Variants in SDK2 observed in about 807,000 individuals in gnomAD.
SDK2 encodes the protein sidekick cell adhesion molecule 2, also known as protein sidekick-2.
SDK2 carries 105 observed loss-of-function variants against 253.9 expected under a neutral mutation model. The ratio of observed to expected loss-of-function variants is 0.41; its 90% CI spans 0.35 to 0.49. The LOEUF (loss-of-function observed/expected upper bound fraction) is 0.49, where lower values mean the gene tolerates loss of function less well. Ranked by LOEUF, SDK2 falls within the 20% of genes least tolerant of loss-of-function variation. The pLI, the probability that SDK2 is intolerant of heterozygous loss-of-function variation, is 0.06. For synonymous variants in SDK2, 1,249 were observed against 1,234.9 expected, an observed-to-expected ratio of 1.01 and a Z score of -0.24; for missense variants, 2,608 against 3,003.0, an observed-to-expected ratio of 0.87 and a Z score of 3.07.
intron 18 of SDK2, among the ~76,000 whole-genome samples, chr17:73,406,343 A>G (rs898936269): frequency 6.6e-6 from 1 of 151,206 alleles, no homozygotes; most frequent in African/African-American, 2.4e-5. Context: ...TCCCCAGTTC[A>G]AACGATTCTC....
At position 73,379,118 on chromosome 17, in the gene SDK2, C is replaced by T; in HGVS notation, c.4980+59G>A. On this transcript the variant is annotated intron_variant, in intron 36 of 44. Coordinates refer to ENST00000392650, the MANE Select transcript of SDK2 (RefSeq NM_001144952.2). The surrounding 1 kb of genome is among the most constrained non-coding windows in gnomAD (Gnocchi z 4.5). ...TGCCTCCCACATATCACTCACTCCC[C>T]AGCCTCCGACCTGGCTTCTCATCCG... is the stretch of plus-strand genomic sequence containing the variant. 3 of 1,320,538 alleles carry T rather than the reference C, an allele frequency of 2.3e-6. No individual in the cohort carries two copies. The highest frequency in any genetic ancestry group is 3.2e-6 in the Non-Finnish European group (3 of 942,220). 81.8% of individuals were successfully genotyped at this position (1,320,538 alleles called of 1,614,324 possible).
At chr17:73,425,473 T>C (rs2063273962) in intron 12 of SDK2, among the ~76,000 whole-genome samples, 1 of 152,206 alleles carries the variant, frequency 6.6e-6, no homozygotes, top group Non-Finnish European at 1.5e-5. Context: ...GCTTTGCTAC[T>C]TTCCAGCTTT....
Position 73,353,757 on chromosome 17 carries a change from G to A in SDK2, c.5594-1120C>T, listed in dbSNP as rs1599476134. ...CTCACTCTGTCATCCAGGCTGGAGT[G>A]CAGTGGTGCCATCTCAGCTTACCAC... On this transcript the variant is annotated intron_variant, in intron 40 of 44. Transcript: ENST00000392650. 2.1e-5 allele frequency among the ~76,000 whole-genome samples: 3 copies of A among 139,672 alleles called. No individual in the cohort carries two copies. The Middle Eastern group carries it at 0.014, about 635-fold the overall frequency. 91.6% of individuals were successfully genotyped at this position (139,672 alleles called of 152,430 possible). A position where few individuals can be genotyped will look rare whatever the true frequency, so the allele number is the denominator to read the frequency against.
intron 1 of SDK2, among the ~76,000 whole-genome samples, chr17:73,551,107 C>T (rs755763001): frequency 3.3e-5 from 5 of 152,162 alleles, no homozygotes; most frequent in Non-Finnish European, 7.4e-5. Flanking sequence ...CCTGAGAGGT[C>T]ACAGCCCACG....
chr17:73,481,104 G>T lies in SDK2; in HGVS notation c.225-8886C>A, dbSNP rs569425237. Among the ~76,000 whole-genome samples, 1 of 152,162 alleles carries T rather than the reference G, an allele frequency of 6.6e-6. No individual in the cohort carries two copies. Among genetic ancestry groups the T allele is most frequent in the African/African-American group, 2.4e-5 (1 of 41,424 alleles). On this transcript the variant is annotated intron_variant, in intron 2 of 44. Transcript: ENST00000392650. The surrounding 1 kb of genome is among the most constrained non-coding windows in gnomAD (Gnocchi z 4.5). ...GAGGGGAAGGGTTAGGGGAAGATCC[G>T]GAATTGGTTCTGGAGCAGGCACTGG...
intron 1 of SDK2, among the ~76,000 whole-genome samples, chr17:73,574,029 C>G (rs11077689): frequency 0.28 from 43,079 of 152,030 alleles, 6,255 homozygotes; most frequent in South Asian, 0.4. Context: ...CTTCGTGGGC[C>G]CTGTCCCTTC....
intron 25 of SDK2, 82 bp from the exon 26 acceptor site, chr17:73,394,406 G>A (rs780936495): frequency 1.7e-4 from 136 of 818,762 alleles, no homozygotes; most frequent in Middle Eastern, 3.7e-4. Flanking sequence ...ACAGGGGGCC[G>A]AGGGAGGGGC....
At chr17:73,567,774 T>C (rs906682912) in intron 1 of SDK2, among the ~76,000 whole-genome samples, 1 of 152,246 alleles carries the variant, frequency 6.6e-6, no homozygotes, top group Non-Finnish European at 1.5e-5. Context: ...GTAGGGTCTG[T>C]CATTTCTTTC....
rs147909295 is a variant in SDK2 at position 73,367,595 on chromosome 17, C to T, written c.5167+812G>A. On this transcript the variant is annotated intron_variant, in intron 37 of 44. Transcript: ENST00000392650. ...TCGGCTCACTGCAACCTCCACCTCCCGGGTTCAAGTGATTCTCCTGCCTCA... is the reference window on the plus strand; with the variant it reads ...TCGGCTCACTGCAACCTCCACCTCCTGGGTTCAAGTGATTCTCCTGCCTCA... Among the ~76,000 whole-genome samples the T allele has an allele frequency of 1.4e-3, 213 of 152,072 alleles. 2 individuals carry two copies. In the East Asian group the frequency reaches 0.037, roughly 27 times the overall value.
chr17:73,483,641 A>ATGTGTGTGTG (rs1174506982), intron 2 of SDK2, among the ~76,000 whole-genome samples: 1 of 83,684 alleles, frequency 1.2e-5, no homozygotes, highest in African/African-American at 4.4e-5. Context: ...GTATATATAT[A>ATGTGTGTGTG]TGTGTGTGTG....
Position 73,337,525 on chromosome 17 carries a change from G to GTA in SDK2, c.*1061_*1062insTA, listed in dbSNP as rs56835252. The GTA allele has an allele frequency of 6.6e-6, 1 of 152,390 alleles. No homozygotes were observed. Among genetic ancestry groups the GTA allele is most frequent in the Non-Finnish European group, 1.5e-5 (1 of 68,436 alleles). 9.4% of individuals were successfully genotyped at this position (152,390 alleles called of 1,614,324 possible). ...GAGATGTGTGTGTGTGTGTGTGTGT[G>GTA]GTGAGGATCTATCCAGTGGAGAGTG... On this transcript the variant is annotated 3_prime_UTR_variant, in exon 45 of 45. Coordinates refer to ENST00000392650, the MANE Select transcript of SDK2 (RefSeq NM_001144952.2).
chr17:73,560,397 A>C (rs1162769884), intron 1 of SDK2, among the ~76,000 whole-genome samples: 1 of 152,190 alleles, frequency 6.6e-6, no homozygotes, highest in Middle Eastern at 3.2e-3. Context: ...GCTGGAGTGT[A>C]GTGGTGCATC....
chr17:73,634,095 T>A (rs887396647), intron 1 of SDK2, among the ~76,000 whole-genome samples: 2 of 152,134 alleles, frequency 1.3e-5, no homozygotes, highest in Non-Finnish European at 2.9e-5. Context: ...CCAGACCCCA[T>A]CACTAAGACC....
chr17:73,519,231 T>A (rs2064056386), intron 1 of SDK2: 1 of 152,230 alleles, frequency 6.6e-6, no homozygotes, highest in Non-Finnish European at 1.5e-5. Flanking sequence ...CTGGCTGGCA[T>A]GCTTCCCAGG....
intron 1 of SDK2, among the ~76,000 whole-genome samples, chr17:73,544,252 A>G (rs1319094665): frequency 6.6e-6 from 1 of 152,184 alleles, no homozygotes; most frequent in Non-Finnish European, 1.5e-5. Context: ...AGCTTCAGTG[A>G]CTTCCTTCAG....
chr17:73,388,051 G>C lies in SDK2; in HGVS notation c.4193-14C>G, dbSNP rs1440132806. ...GCTGCGGACGGTCTGGGAGGTGGCAGAGGGGGAGGAGCAGGTGAGTGGGCC... is the reference window on the plus strand; with the variant it reads ...GCTGCGGACGGTCTGGGAGGTGGCACAGGGGGAGGAGCAGGTGAGTGGGCC... On this transcript the variant is annotated splice_polypyrimidine_tract_variant and intron_variant, in intron 29 of 44. Transcript: ENST00000392650. The C allele has an allele frequency of 2.6e-6, 4 of 1,555,524 alleles. No individual in the cohort carries two copies. In the African/African-American group the frequency reaches 5.4e-5, roughly 21 times the overall value.
intron 1 of SDK2, among the ~76,000 whole-genome samples, chr17:73,600,505 A>T (rs1454436609): frequency 6.6e-6 from 1 of 151,894 alleles, no homozygotes; most frequent in East Asian, 1.9e-4. Flanking sequence ...ACCTAGGGGG[A>T]CACCCAGGGC....
In SDK2 at chr17:73,643,608, C is replaced by G. The variant is rs995343259; in HGVS notation, c.64+417G>C. On this transcript the variant is annotated intron_variant, in intron 1 of 44. Coordinates refer to ENST00000392650, the MANE Select transcript of SDK2 (RefSeq NM_001144952.2). The surrounding 1 kb of genome is among the most constrained non-coding windows in gnomAD (Gnocchi z 6.9). ...AGGCCATCGCCTGCCCGGCAGGGGC[C>G]CTGCCCTTCCCCGCAGACACCGAGC... Among the ~76,000 whole-genome samples, 20 of 152,112 alleles carry G rather than the reference C, an allele frequency of 1.3e-4. No homozygotes were observed. The highest frequency in any genetic ancestry group is 2.5e-4 in the Non-Finnish European group (17 of 67,984).
chr17:73,370,018 C>T (rs1022573595), intron 36 of SDK2, among the ~76,000 whole-genome samples: 1 of 152,180 alleles, frequency 6.6e-6, no homozygotes, highest in African/African-American at 2.4e-5. Flanking sequence ...ATCCAGATAG[C>T]GGCCAGCTGG....
Sources: gnomAD v4.1 joint callset for allele counts (sites outside exome capture counted in the v4.1 genomes callset) on GRCh38, gnomAD v4.1.1 for gene constraint, Gnocchi (gnomAD v3.1) non-coding constraint, MANE v1.5 for transcripts, NCBI Gene and HGNC (gene_info 2026-07-23, HGNC 2026-07-21) for gene names.